SCPEP1: variants seen among roughly 807,000 people sequenced by gnomAD.
SCPEP1 encodes retinoid-inducible serine carboxypeptidase.
SCPEP1 carries 51 observed loss-of-function variants against 63.8 expected under a neutral mutation model. That is an observed-to-expected ratio of 0.80 (90% CI 0.64 to 1.01). The LOEUF is 1.01. Ranked by LOEUF, SCPEP1 falls within the 50% of genes least tolerant of loss-of-function variation. The probability of loss-of-function intolerance (pLI) is 0.00; values close to 1 mark genes in which losing one functional copy is unlikely to be tolerated. For missense variants in SCPEP1, 499 were observed against 554.9 expected (o/e 0.90, Z 1.01); for synonymous variants, 204 against 207.8 (o/e 0.98, Z 0.16).
At chr17:56,994,482 C>T (rs974015810) in intron 6 of SCPEP1, among the ~76,000 whole-genome samples, 4 of 152,186 alleles carry the variant, frequency 2.6e-5, no homozygotes, top group African/African-American at 9.7e-5. Flanking sequence ...GGGAATAAGC[C>T]AATTGGCAAT....
intron 12 of SCPEP1, among the ~76,000 whole-genome samples, chr17:57,005,604 C>T (rs2094038520): frequency 6.6e-6 from 1 of 152,250 alleles, no homozygotes; most frequent in Non-Finnish European, 1.5e-5. Context: ...AAACTGAGGC[C>T]TCTGCCCTTC....
intron 10 of SCPEP1, among the ~76,000 whole-genome samples, chr17:56,998,890 G>A (rs1597922073): frequency 6.6e-6 from 1 of 152,152 alleles, no homozygotes; most frequent in East Asian, 1.9e-4. Flanking sequence ...GGAGTTTGAG[G>A]GTACAGTGAG....
intron 10 of SCPEP1, among the ~76,000 whole-genome samples, chr17:56,999,206 A>G (rs377717558): frequency 1.3e-5 from 2 of 152,318 alleles, no homozygotes; most frequent in African/African-American, 2.4e-5. Flanking sequence ...AGGTCCTTGC[A>G]GGATGTCAGA....
At position 56,988,115 on chromosome 17, in the gene SCPEP1, G is replaced by GT. The variant is rs1911278940; in HGVS notation, c.472-95dup. On this transcript the variant is annotated intron_variant, in intron 4 of 12. Transcript: ENST00000262288. ...TGGGGGAGGAAGACAAAGCAGATTT[G>GT]TTTTTTCTGGTCATTACGTGCAATA... 9.0e-6 allele frequency: 9 copies of GT among 996,676 alleles called. No homozygotes were observed. The South Asian group carries it at 1.3e-4, about 14-fold the overall frequency. 61.7% of individuals were successfully genotyped at this position (996,676 alleles called of 1,614,324 possible).
intron 3 of SCPEP1, chr17:56,987,340 CAT>C: frequency 5.6e-6 from 1 of 180,024 alleles, no homozygotes; most frequent in Non-Finnish European, 1.2e-5. Flanking sequence ...CGAGTTAGTG[CAT>C]AGACTGTCTC....
At chr17:57,003,290 C>T (rs1331514190) in intron 12 of SCPEP1, among the ~76,000 whole-genome samples, 2 of 152,020 alleles carry the variant, frequency 1.3e-5, no homozygotes, top group African/African-American at 2.4e-5. Flanking sequence ...CAGTAGGGCA[C>T]CAAGCAGGGG....
intron 11 of SCPEP1, 59 bp downstream of exon 11, chr17:57,001,051 A>G (rs1911727156): frequency 1.9e-6 from 3 of 1,585,326 alleles, no homozygotes; most frequent in Non-Finnish European, 8.7e-7. Context: ...CTGGAAGGGA[A>G]CTGGCCTTGG....
intron 10 of SCPEP1, among the ~76,000 whole-genome samples, chr17:56,998,948 T>C (rs1911656414): frequency 6.6e-6 from 1 of 151,990 alleles, no homozygotes; most frequent in African/African-American, 2.4e-5. Flanking sequence ...AGAGAAACCC[T>C]GTTTCTTAAA....
intron 12 of SCPEP1, among the ~76,000 whole-genome samples, chr17:57,005,450 G>T (rs1911856685): frequency 6.6e-6 from 1 of 152,120 alleles, no homozygotes; most frequent in South Asian, 2.1e-4. Context: ...TTGATTAAAT[G>T]ACATTTTAGG....
rs933706761 is a variant in SCPEP1 at position 57,006,312 on chromosome 17, C to T, written c.*77C>T. 2.2e-5 allele frequency: 25 copies of T among 1,112,798 alleles called. No individual in the cohort carries two copies. The highest frequency in any genetic ancestry group is 8.6e-5 in the South Asian group (5 of 58,086). The allele number at this position is 1,112,798 out of a possible 1,614,324, so 68.9% of individuals were successfully genotyped here. A position where few individuals can be genotyped will look rare whatever the true frequency, so the allele number is the denominator to read the frequency against. ...CTGAGGCCGCTGAAGCTGTAGGAAGCGCCATTCTTCCCTGTATCTAACTGG... is the reference window on the plus strand; with the variant it reads ...CTGAGGCCGCTGAAGCTGTAGGAAGTGCCATTCTTCCCTGTATCTAACTGG... On this transcript the variant is annotated 3_prime_UTR_variant, in exon 13 of 13. Coordinates refer to ENST00000262288, the MANE Select transcript of SCPEP1 (RefSeq NM_021626.3).
In SCPEP1 at chr17:57,006,398, G is replaced by A; in HGVS notation, c.*163G>A. On this transcript the variant is annotated 3_prime_UTR_variant, in exon 13 of 13. Coordinates refer to ENST00000262288, the MANE Select transcript of SCPEP1 (RefSeq NM_021626.3). ...GAGGATAAAATCATTGTCTCTGGAGGCAATTTGGAAATTATTTCTGCTTCT... is the reference window on the plus strand; with the variant it reads ...GAGGATAAAATCATTGTCTCTGGAGACAATTTGGAAATTATTTCTGCTTCT... 1 of 441,296 alleles carries A rather than the reference G, an allele frequency of 2.3e-6. No homozygotes were observed. The allele number at this position is 441,296 out of a possible 1,614,324, so 27.3% of individuals were successfully genotyped here.
intron 3 of SCPEP1, among the ~76,000 whole-genome samples, chr17:56,986,012 G>C (rs1053545621): frequency 6.6e-6 from 1 of 151,852 alleles, no homozygotes; most frequent in Non-Finnish European, 1.5e-5. Context: ...CTGTCCACCT[G>C]CTTAGCCCTT....
At chr17:57,001,687 A>G (rs1911744058) in intron 11 of SCPEP1, among the ~76,000 whole-genome samples, 1 of 152,226 alleles carries the variant, frequency 6.6e-6, no homozygotes, top group South Asian at 2.1e-4. Flanking sequence ...CGTTCACGAC[A>G]TCTCTCAGTC....
In SCPEP1 at chr17:56,991,138, G is replaced by A. The variant is rs200262137; in HGVS notation, c.586G>A (p.Val196Ile). ...GACCATCAAGTGCAACTTTGCGGGG[G>A]TTGCCTTGGGTGATTCCTGGATCTC... ...RGTIKCNFAG[V>I]ALGDSWISPV... The change falls in exon 6 of 13, where the codon GTT becomes ATT. Residue 196 changes from valine to isoleucine, a missense_variant. Transcript: ENST00000262288. The A allele has an allele frequency of 2.5e-6, 4 of 1,614,072 alleles. No homozygotes were observed. In the Admixed American group the frequency reaches 5.0e-5, roughly 20 times the overall value.
In SCPEP1 at chr17:57,002,696, G is replaced by C. The variant is rs980125928; in HGVS notation, c.1296+515G>C. On this transcript the variant is annotated intron_variant, in intron 12 of 12. Transcript: ENST00000262288. ...CACTCCAGCCTGGGCAACAGAGTGA[G>C]ACTCTGTCTCAAAAAAGAACAAAAA... Among the ~76,000 whole-genome samples, 8 of 151,732 alleles carry C rather than the reference G, an allele frequency of 5.3e-5. 1 individual carries two copies.
At chr17:56,996,116 C>G (rs1911550643) in intron 8 of SCPEP1, among the ~76,000 whole-genome samples, 1 of 152,188 alleles carries the variant, frequency 6.6e-6, no homozygotes, top group Non-Finnish European at 1.5e-5. Context: ...ATGCTCACCA[C>G]TCCAGGGAGA....
intron 4 of SCPEP1, 88 bp downstream of exon 4, chr17:56,987,938 T>G: frequency 7.1e-7 from 1 of 1,410,726 alleles, no homozygotes; most frequent in Non-Finnish European, 9.7e-7. Flanking sequence ...CCTCCAGAGT[T>G]TAATGCCTAG....
Position 56,995,549 on chromosome 17 carries a change from G to A in SCPEP1, c.700G>A (p.Ala234Thr). The A allele has an allele frequency of 6.2e-7, 1 of 1,614,064 alleles. No individual in the cohort carries two copies. Among genetic ancestry groups the A allele is most frequent in the Non-Finnish European group, 8.5e-7 (1 of 1,179,978 alleles). ...AGGTCTGGCAGAGGTGTCTAAGGTT[G>A]CAGAGCAAGTACTGAATGCCGTAAA... The part of the protein sequence containing the change: ...DKGLAEVSKV[A>T]EQVLNAVNKG... Residue 234 changes from alanine to threonine, a missense_variant, in exon 8 of 13, where the codon GCA (alanine) becomes ACA (threonine). Coordinates refer to ENST00000262288, the MANE Select transcript of SCPEP1 (RefSeq NM_021626.3).
chr17:57,000,823 G>C (rs1439100737), intron 10 of SCPEP1, 32 bp from the exon 11 acceptor site: 1 of 1,613,142 alleles, frequency 6.2e-7, no homozygotes, highest in East Asian at 2.2e-5. Context: ...CAGATTCCAA[G>C]CTACTCCCTC....
Sources: allele counts gnomAD v4.1 joint callset (sites outside exome capture counted in the v4.1 genomes callset), GRCh38; gene constraint gnomAD v4.1.1; transcripts MANE v1.5; gene names NCBI Gene and HGNC (gene_info 2026-07-23, HGNC 2026-07-21).